ITGB1: variants seen among roughly 807,000 people sequenced by gnomAD.
ITGB1 encodes integrin beta-1.
Under a neutral mutation model 86.5 loss-of-function variants are expected in ITGB1, and 24 were observed. The ratio of observed to expected loss-of-function variants is 0.28; its 90% CI spans 0.20 to 0.39. The LOEUF is 0.39. Ranked by LOEUF, ITGB1 falls within the 10% of genes least tolerant of loss-of-function variation. The pLI is 1.00. For missense variants in ITGB1, 556 were observed against 946.9 expected (o/e 0.59, Z 5.42); for synonymous variants, 323 against 316.8 (o/e 1.02, Z -0.21).
At chr10:32,912,876 C>T (rs1219413966) in intron 11 of ITGB1, among the ~76,000 whole-genome samples, 12 of 152,212 alleles carry the variant, frequency 7.9e-5, no homozygotes, top group African/African-American at 2.9e-4. Flanking sequence ...AAGTGGGTCC[C>T]TGAGCCCGAG....
intron 1 of ITGB1, among the ~76,000 whole-genome samples, chr10:32,946,905 C>T (rs938611360): frequency 6.6e-6 from 1 of 151,432 alleles, no homozygotes; most frequent in African/African-American, 2.4e-5. Flanking sequence ...AGTGCAGTGG[C>T]ATGATCTTGG....
At chr10:32,932,076 A>C (rs2094985172) in intron 3 of ITGB1, among the ~76,000 whole-genome samples, 1 of 152,156 alleles carries the variant, frequency 6.6e-6, no homozygotes, top group Non-Finnish European at 1.5e-5. Flanking sequence ...AATCTGAAAC[A>C]GTCAAACTAA....
In ITGB1 at chr10:32,901,198, C is replaced by A. The variant is rs2094880939; in HGVS notation, c.*372G>T. The A allele has an allele frequency of 6.4e-6, 1 of 156,022 alleles. No homozygotes were observed. The highest frequency in any genetic ancestry group is 1.3e-5 in the Non-Finnish European group (1 of 76,468). The allele number at this position is 156,022 out of a possible 1,614,324, so 9.7% of individuals were successfully genotyped here. A position where few individuals can be genotyped will look rare whatever the true frequency, so the allele number is the denominator to read the frequency against. On this transcript the variant is annotated 3_prime_UTR_variant, in exon 16 of 16. Coordinates refer to ENST00000302278, the MANE Select transcript of ITGB1 (RefSeq NM_002211.4). ...CTGACATATTTGTAAAGCTAAAAAT[C>A]AGTTTTAATACATGATTAACAGAAA...
intron 11 of ITGB1, among the ~76,000 whole-genome samples, chr10:32,913,993 G>A (rs1250375658): frequency 6.6e-6 from 1 of 152,236 alleles, no homozygotes; most frequent in Non-Finnish European, 1.5e-5. Context: ...CAAGCCAGAA[G>A]AGAGTGGGGG....
At chr10:32,922,155 T>C (rs1256900623) in intron 9 of ITGB1, 102 bp downstream of exon 9, 6 of 666,596 alleles carry the variant, frequency 9.0e-6, no homozygotes, top group East Asian at 6.0e-5. Flanking sequence ...CTGTAGTACT[T>C]TGGGCTCGCT....
At chr10:32,902,253 G>C (rs182875554) in intron 15 of ITGB1, among the ~76,000 whole-genome samples, 5 of 152,114 alleles carry the variant, frequency 3.3e-5, no homozygotes, top group Admixed American at 3.3e-4. Context: ...ATATCATATT[G>C]GTGAAATGTC....
chr10:32,921,412 T>A (rs1456998050), intron 9 of ITGB1, among the ~76,000 whole-genome samples: 2 of 152,162 alleles, frequency 1.3e-5, no homozygotes, highest in African/African-American at 4.8e-5. Context: ...ACCATTATGG[T>A]ACCCCATAAA....
At chr10:32,954,709 TATAAGAA>T (rs1374086889) in intron 1 of ITGB1, among the ~76,000 whole-genome samples, 2 of 152,194 alleles carry the variant, frequency 1.3e-5, no homozygotes, top group Non-Finnish European at 2.9e-5. Context: ...AGATTGGTCC[TATAAGAA>T]ATACATACAT....
chr10:32,926,067 C>T lies in ITGB1; in HGVS notation c.590G>A (p.Ser197Asn), dbSNP rs755190764. The change falls in exon 6 of 16, where the codon AGC becomes AAC. Residue 197 changes from serine (S) to asparagine (N), a missense_variant. Physicochemically the swap from Ser to Asn is conservative, Grantham distance 46 (BLOSUM62 1). Around this residue, in one of 4 missense-constraint regions of ITGB1, gnomAD observed 183 missense variants for 263.9 expected, o/e 0.69. Coordinates refer to ENST00000302278, the MANE Select transcript of ITGB1 (RefSeq NM_002211.4). The part of the protein sequence containing the change: ...FVEKTVMPYI[S>N]TTPAKLRNPC... The stretch of plus-strand genomic sequence containing the variant: ...GTTCCTGAGCTTAGCTGGTGTTGTG[C>T]TAATGTAAGGCATCACAGTCTTTTC... 1.9e-6 allele frequency: 3 copies of T among 1,614,044 alleles called. No individual in the cohort carries two copies. Among genetic ancestry groups the T allele is most frequent in the Non-Finnish European group, 8.5e-7 (1 of 1,179,998 alleles).
intron 1 of ITGB1, among the ~76,000 whole-genome samples, chr10:32,943,642 T>G (rs770752201): frequency 2.0e-5 from 3 of 152,130 alleles, no homozygotes; most frequent in Non-Finnish European, 4.4e-5. Flanking sequence ...ATTTACAATT[T>G]CAGAGACAGG....
chr10:32,903,061 G>A (rs566293953), intron 15 of ITGB1, among the ~76,000 whole-genome samples: 2 of 152,034 alleles, frequency 1.3e-5, no homozygotes, highest in African/African-American at 2.4e-5. Context: ...AGTTTCTAGA[G>A]TTAGGGGAGG....
intron 3 of ITGB1, 126 bp downstream of exon 3, chr10:32,932,389 C>T: frequency 1.6e-6 from 1 of 630,354 alleles, no homozygotes; most frequent in Non-Finnish European, 2.9e-6. Context: ...CCACATAGCT[C>T]CAAACCATTA....
At chr10:32,931,130 G>T (rs2094982182) in intron 3 of ITGB1, among the ~76,000 whole-genome samples, 1 of 151,970 alleles carries the variant, frequency 6.6e-6, no homozygotes. Flanking sequence ...AACTGGAAGG[G>T]AATACCAAGA....
intron 1 of ITGB1, among the ~76,000 whole-genome samples, chr10:32,949,065 G>T (rs926205656): frequency 1.3e-5 from 2 of 150,314 alleles, no homozygotes; most frequent in Non-Finnish European, 3.0e-5. Flanking sequence ...ATGATTTAAA[G>T]TAATTTGTAA....
At position 32,900,340 on chromosome 10, in the gene ITGB1, T is replaced by C. The variant is rs1297522950; in HGVS notation, c.*1230A>G. 6.6e-6 allele frequency: 1 copy of C among 152,566 alleles called. No homozygotes were observed. The highest frequency in any genetic ancestry group is 1.5e-5 in the Non-Finnish European group (1 of 68,020). The allele number at this position is 152,566 out of a possible 1,614,324, so 9.5% of individuals were successfully genotyped here. ...AAATGCTTTTCCTCAACTTCTTTAA[T>C]CTATAAAAATTTCATGCACACAACC... On this transcript the variant is annotated 3_prime_UTR_variant, in exon 16 of 16. Coordinates refer to ENST00000302278, the MANE Select transcript of ITGB1 (RefSeq NM_002211.4).
chr10:32,922,712 A>C lies in ITGB1; in HGVS notation c.966T>G (p.Leu322=), dbSNP rs986354745. 6.2e-7 allele frequency: 1 copy of C among 1,600,456 alleles called. No homozygotes were observed. The highest frequency in any genetic ancestry group is 8.6e-7 in the Non-Finnish European group (1 of 1,169,446). ...HYYDYPSIAH[L]VQKLSENNIQ... is the part of the protein sequence containing the mutation. ...TATTATTTTCACTCAGTTTCTGGAC[A>C]AGGTGAGCAATAGAAGGATAATCCT... The change falls in exon 8 of 16, where the codon CTT becomes CTG. Residue 322 remains leucine (L), a synonymous_variant. Transcript: ENST00000302278.
In ITGB1 at chr10:32,907,103, T is replaced by C. The variant is rs201059064; in HGVS notation, c.2331+1265A>G. ...AGCTTTACGTCCGTAGTTTGGATTC[T>C]TGAAATTATTAATAGGACTCTTGTA... On this transcript the variant is annotated intron_variant, in intron 15 of 15. Coordinates refer to ENST00000302278, the MANE Select transcript of ITGB1 (RefSeq NM_002211.4). 7.4e-5 allele frequency: 100 copies of C among 1,359,206 alleles called. No individual in the cohort carries two copies. Among genetic ancestry groups the C allele is most frequent in the Admixed American group, 2.3e-4 (12 of 51,998 alleles). The allele number at this position is 1,359,206 out of a possible 1,614,324, so 84.2% of individuals were successfully genotyped here. A position where few individuals can be genotyped will look rare whatever the true frequency, so the allele number is the denominator to read the frequency against.
chr10:32,919,840 C>T (rs771524178), intron 11 of ITGB1, 45 bp downstream of exon 11: 1 of 1,559,696 alleles, frequency 6.4e-7, no homozygotes, highest in Non-Finnish European at 8.8e-7. Flanking sequence ...CCTATACTCT[C>T]TAAACCAATG....
intron 5 of ITGB1, among the ~76,000 whole-genome samples, chr10:32,927,225 A>G (rs2094967733): frequency 6.6e-6 from 1 of 152,368 alleles, no homozygotes; most frequent in Non-Finnish European, 1.5e-5. Context: ...CCACTAAAAT[A>G]GGGCTAATTT....
Sources: gnomAD v4.1 joint callset for allele counts (sites outside exome capture counted in the v4.1 genomes callset) on GRCh38, gnomAD v4.1.1 for gene constraint, gnomAD v4.1.1 regional missense constraint, MANE v1.5 for transcripts, NCBI Gene and HGNC (gene_info 2026-07-23, HGNC 2026-07-21) for gene names.